The following PPP1R14C variants were observed in gnomAD, a reference collection of about 807,000 sequenced individuals.
The protein encoded by PPP1R14C is protein phosphatase 1 regulatory subunit 14C.
Under a neutral mutation model 20.4 loss-of-function variants are expected in PPP1R14C, and 16 were observed. The observed-to-expected ratio is 0.78, with a 90% CI of 0.53 to 1.19. The LOEUF (loss-of-function observed/expected upper bound fraction) is 1.19. Among genes scored for constraint, PPP1R14C ranks in the 50% most tolerant of loss-of-function variants. The pLI is 0.00. For missense variants in PPP1R14C, 211 were observed against 220.1 expected (o/e 0.96, Z 0.26); for synonymous variants, 91 against 91.0 (o/e 1.00, Z 0.00).
At chr6:150,237,443 T>C (rs2114929225) in intron 3 of PPP1R14C, among the ~76,000 whole-genome samples, 1 of 152,292 alleles carries the variant, frequency 6.6e-6, no homozygotes, top group African/African-American at 2.4e-5. Context: ...CCTCAGGTGA[T>C]CTGCTTGCCT....
Position 150,202,721 on chromosome 6 carries a change from C to T in PPP1R14C, c.307-12023C>T, listed in dbSNP as rs185068806. ...CTGAAGGTCATTGTATGACTCACACCTGGACCTTTTGCCCAGCCCTCGGCT... is the reference window on the plus strand; with the variant it reads ...CTGAAGGTCATTGTATGACTCACACTTGGACCTTTTGCCCAGCCCTCGGCT... On this transcript the variant is annotated intron_variant, in intron 1 of 3. Coordinates refer to ENST00000361131, the MANE Select transcript of PPP1R14C (RefSeq NM_030949.3). Among the ~76,000 whole-genome samples the T allele has an allele frequency of 3.3e-4, 50 of 152,318 alleles. No homozygotes were observed. The East Asian group carries it at 9.7e-3, about 29-fold the overall frequency.
chr6:150,209,099 C>A (rs1054198314), intron 1 of PPP1R14C, among the ~76,000 whole-genome samples: 18 of 152,142 alleles, frequency 1.2e-4, no homozygotes, highest in Non-Finnish European at 1.5e-5. Flanking sequence ...CCACTCCCCA[C>A]CCCTGCCACC....
chr6:150,180,152 A>G (rs9479862), intron 1 of PPP1R14C, among the ~76,000 whole-genome samples: 60,037 of 152,090 alleles, frequency 0.39, 12,433 homozygotes, highest in South Asian at 0.54. Context: ...CAGTGAGCCG[A>G]GATTGTGCCA....
At chr6:150,196,194 A>G in intron 1 of PPP1R14C, 1 of 900,806 alleles carries the variant, frequency 1.1e-6, no homozygotes. Flanking sequence ...CAGCCTAGAA[A>G]CTGGCAAAGA....
intron 1 of PPP1R14C, among the ~76,000 whole-genome samples, chr6:150,178,550 G>A (rs567753441): frequency 1.8e-4 from 28 of 152,326 alleles, no homozygotes; most frequent in Non-Finnish European, 3.1e-4. Flanking sequence ...TAGACCTATA[G>A]ACCTATGTGA....
At chr6:150,197,750 C>T (rs55865114) in intron 1 of PPP1R14C, among the ~76,000 whole-genome samples, 3 of 149,800 alleles carry the variant, frequency 2.0e-5, no homozygotes, top group South Asian at 2.2e-4. Flanking sequence ...CCTGGATGCC[C>T]GGCTTTGTGT....
At chr6:150,205,535 T>C (rs1019626468) in intron 1 of PPP1R14C, among the ~76,000 whole-genome samples, 2 of 152,020 alleles carry the variant, frequency 1.3e-5, no homozygotes, top group African/African-American at 4.8e-5. Flanking sequence ...AAGAACAAAA[T>C]ATATATATCA....
chr6:150,176,712 T>G (rs1777566493), intron 1 of PPP1R14C, among the ~76,000 whole-genome samples: 1 of 152,312 alleles, frequency 6.6e-6, no homozygotes, highest in South Asian at 2.1e-4. Context: ...AAGTGAGATT[T>G]TTTTCCTTTA....
chr6:150,144,133 A>G (rs1242719595), intron 1 of PPP1R14C, among the ~76,000 whole-genome samples: 1 of 152,186 alleles, frequency 6.6e-6, no homozygotes, highest in Non-Finnish European at 1.5e-5. Flanking sequence ...TTGAAGCCGT[A>G]GTTTTTCCTC....
intron 3 of PPP1R14C, among the ~76,000 whole-genome samples, chr6:150,217,193 G>GTT (rs201443446): frequency 1.5e-4 from 22 of 148,836 alleles, no homozygotes; most frequent in Admixed American, 2.7e-4. Context: ...TTATTGGTAT[G>GTT]TATTTTTTTT....
intron 1 of PPP1R14C, among the ~76,000 whole-genome samples, chr6:150,157,522 G>A (rs1478065909): frequency 6.6e-6 from 1 of 152,206 alleles, no homozygotes; most frequent in Non-Finnish European, 1.5e-5. Context: ...TCCATTTTGT[G>A]TTGCTGTAGC....
intron 1 of PPP1R14C, among the ~76,000 whole-genome samples, chr6:150,178,581 G>A (rs1777588150): frequency 6.6e-6 from 1 of 152,188 alleles, no homozygotes; most frequent in Admixed American, 6.5e-5. Context: ...CCAAAGAGAT[G>A]TTTATCTCCA....
At chr6:150,183,025 G>A (rs1230804133) in intron 1 of PPP1R14C, among the ~76,000 whole-genome samples, 4 of 152,248 alleles carry the variant, frequency 2.6e-5, no homozygotes, top group East Asian at 1.9e-4. Context: ...TTAATCTTAT[G>A]GGACCACTGC....
At chr6:150,179,463 TTATC>T (rs1017444839) in intron 1 of PPP1R14C, among the ~76,000 whole-genome samples, 1 of 150,744 alleles carries the variant, frequency 6.6e-6, no homozygotes, top group Non-Finnish European at 1.5e-5. Flanking sequence ...CATGAAGACT[TTATC>T]TATATAGCGA....
intron 1 of PPP1R14C, among the ~76,000 whole-genome samples, chr6:150,175,146 G>C (rs1196396063): frequency 6.6e-6 from 1 of 152,144 alleles, no homozygotes; most frequent in Non-Finnish European, 1.5e-5. Context: ...ATTATGTGCT[G>C]GGCTGTTCTA....
rs1777603568 is a variant in PPP1R14C at position 150,179,957 on chromosome 6, T to C, written c.307-34787T>C. Among the ~76,000 whole-genome samples, 4 of 152,110 alleles carry C rather than the reference T, an allele frequency of 2.6e-5. No homozygotes were observed. In the South Asian group the frequency reaches 8.3e-4, roughly 32 times the overall value. On this transcript the variant is annotated intron_variant, in intron 1 of 3. Transcript: ENST00000361131. ...TGGCTCCGGCCTATAATTCCAGCTG[T>C]TTGGGAGGCCGAGGGGGATAGATCA...
At chr6:150,182,478 T>C (rs1777633014) in intron 1 of PPP1R14C, among the ~76,000 whole-genome samples, 1 of 152,122 alleles carries the variant, frequency 6.6e-6, no homozygotes, top group Non-Finnish European at 1.5e-5. Context: ...ATAGAGATCA[T>C]CCATTCATGA....
chr6:150,143,244 G>T lies in PPP1R14C; in HGVS notation c.52G>T (p.Gly18Cys), dbSNP rs1412322767. Residue 18 changes from glycine (G) to cysteine (C), a missense_variant, in exon 1 of 4, where the codon GGC becomes TGC. By Grantham distance (159) the Gly-to-Cys change is radical. Coordinates refer to ENST00000361131, the MANE Select transcript of PPP1R14C (RefSeq NM_030949.3). The surrounding 1 kb of genome is among the most constrained non-coding windows in gnomAD (Gnocchi z 5.6). ...GACGGCCGGCGGGGCCAGCGGCGGCGGCGCACGGGTTTTCTTCCAAAGCCC... is the reference window on the plus strand; with the variant it reads ...GACGGCCGGCGGGGCCAGCGGCGGCTGCGCACGGGTTTTCTTCCAAAGCCC... ...SETAGGASGG[G>C]ARVFFQSPRG... The T allele has an allele frequency of 5.0e-6, 7 of 1,394,566 alleles. No homozygotes were observed. In the African/African-American group the frequency reaches 1.1e-4, roughly 21 times the overall value. The allele number at this position is 1,394,566 out of a possible 1,614,324, so 86.4% of individuals were successfully genotyped here.
chr6:150,166,959 G>C (rs537123713), intron 1 of PPP1R14C, among the ~76,000 whole-genome samples: 130 of 152,264 alleles, frequency 8.5e-4, no homozygotes, highest in Non-Finnish European at 1.6e-3. Flanking sequence ...GGCCAGGCGC[G>C]GTGGCTCACG....
Sources: gnomAD v4.1 joint callset for allele counts (sites outside exome capture counted in the v4.1 genomes callset) on GRCh38, gnomAD v4.1.1 for gene constraint, Gnocchi (gnomAD v3.1) non-coding constraint, MANE v1.5 for transcripts, NCBI Gene and HGNC (gene_info 2026-07-23, HGNC 2026-07-21) for gene names.